CNTNAP4: variants seen among roughly 807,000 people sequenced by gnomAD.
The protein encoded by CNTNAP4 is contactin associated protein family member 4, also known as contactin-associated protein-like 4.
In CNTNAP4, 98 loss-of-function variants were observed where a neutral mutation model predicts 148.4. The observed-to-expected ratio is 0.66, with a 90% CI of 0.56 to 0.78. CNTNAP4 has a LOEUF of 0.78. Among genes scored for constraint, CNTNAP4 ranks in the 30% least tolerant of loss-of-function variants. The pLI is 0.00. For synonymous variants in CNTNAP4, 730 were observed against 565.1 expected (o/e 1.29, Z -4.14); for missense variants, 1,935 against 1,565.6 (o/e 1.24, Z -3.98).
At chr16:76,316,604 T>A in intron 2 of CNTNAP4, 81 bp downstream of exon 2, 2 of 876,766 alleles carry the variant, frequency 2.3e-6, no homozygotes, top group Non-Finnish European at 3.8e-6. Context: ...TCATTATGAA[T>A]GATACATGGT....
intron 17 of CNTNAP4, among the ~76,000 whole-genome samples, chr16:76,524,473 G>A (rs1367741660): frequency 2.0e-5 from 3 of 152,156 alleles, no homozygotes; most frequent in Admixed American, 6.6e-5. Flanking sequence ...AGTGAAATAT[G>A]CTGCAGTTTG....
At position 76,475,970 on chromosome 16, in the gene CNTNAP4, G is replaced by C. The variant is rs1212345679; in HGVS notation, c.1687G>C (p.Glu563Gln). 6.2e-7 allele frequency: 1 copy of C among 1,613,700 alleles called. No individual in the cohort carries two copies. The highest frequency in any genetic ancestry group is 1.3e-5 in the African/African-American group (1 of 74,922). The stretch of plus-strand genomic sequence containing the variant: ...GCCCAACTATTGTGAACACGGTGGG[G>C]AGTGTTCCCAGTCCTGGAGCACCTT... ...CLPNYCEHGG[E>Q]CSQSWSTFHC... Residue 563 changes from glutamate (E) to glutamine (Q), a missense_variant, in exon 11 of 24, where the codon GAG (glutamate) becomes CAG (glutamine). Coordinates refer to ENST00000611870, the MANE Select transcript of CNTNAP4 (RefSeq NM_033401.5).
intron 4 of CNTNAP4, among the ~76,000 whole-genome samples, chr16:76,446,657 C>G (rs577056523): frequency 6.6e-6 from 1 of 152,214 alleles, no homozygotes; most frequent in East Asian, 1.9e-4. Flanking sequence ...ATCATTAAGT[C>G]AGGGTCTTTC....
intron 2 of CNTNAP4, among the ~76,000 whole-genome samples, chr16:76,343,324 A>G (rs1964638081): frequency 6.6e-6 from 1 of 152,138 alleles, no homozygotes. Context: ...ACAATTTAGA[A>G]CTTTCCATTA....
At chr16:76,531,442 A>G (rs2083981062) in intron 17 of CNTNAP4, among the ~76,000 whole-genome samples, 1 of 152,200 alleles carries the variant, frequency 6.6e-6, no homozygotes, top group African/African-American at 2.4e-5. Flanking sequence ...ATAAGTGGAC[A>G]GGTTCAGTTA....
At chr16:76,398,511 A>G (rs1170588792) in intron 3 of CNTNAP4, among the ~76,000 whole-genome samples, 2 of 152,138 alleles carry the variant, frequency 1.3e-5, no homozygotes, top group African/African-American at 2.4e-5. Context: ...CCGCACTGCA[A>G]AGAGCAGCTA....
intron 9 of CNTNAP4, 134 bp from the exon 10 acceptor site, chr16:76,467,218 C>T (rs2081203644): frequency 1.4e-6 from 1 of 716,374 alleles, no homozygotes; most frequent in Non-Finnish European, 2.3e-6. Flanking sequence ...CTAATAATGA[C>T]TGCAGTCATT....
chr16:76,284,592 T>C (rs1958810213), intron 1 of CNTNAP4, among the ~76,000 whole-genome samples: 1 of 151,994 alleles, frequency 6.6e-6, no homozygotes, highest in South Asian at 2.1e-4. Flanking sequence ...TTACCCATAA[T>C]TTTAAGTTAC....
Position 76,489,714 on chromosome 16 carries a change from C to A in CNTNAP4, c.1911C>A (p.Asn637Lys), listed in dbSNP as rs148411005. ...CTGCATGGACCATCATACAGCACAACGGCTCTGACTTAACAAGAGTCAGAA... is the reference window on the plus strand; with the variant it reads ...CTGCATGGACCATCATACAGCACAAAGGCTCTGACTTAACAAGAGTCAGAA... ...TETAWTIIQH[N>K]GSDLTRVRNT... is the part of the protein sequence containing the mutation. The change falls in exon 13 of 24, where the codon AAC becomes AAA. Residue 637 changes from asparagine (N) to lysine (K), a missense_variant. Physicochemically the swap from Asn to Lys is moderately conservative, Grantham distance 94. Coordinates refer to ENST00000611870, the MANE Select transcript of CNTNAP4 (RefSeq NM_033401.5). The A allele has an allele frequency of 2.5e-6, 4 of 1,601,732 alleles. No homozygotes were observed. The highest frequency in any genetic ancestry group is 1.3e-5 in the African/African-American group (1 of 74,748).
chr16:76,352,768 T>G (rs2011988364), intron 2 of CNTNAP4, among the ~76,000 whole-genome samples: 1 of 152,182 alleles, frequency 6.6e-6, no homozygotes, highest in African/African-American at 2.4e-5. Context: ...ATTCAGATTT[T>G]AAAATAATGC....
intron 2 of CNTNAP4, among the ~76,000 whole-genome samples, chr16:76,353,658 C>G (rs2012161085): frequency 6.6e-6 from 1 of 152,048 alleles, no homozygotes; most frequent in South Asian, 2.1e-4. Flanking sequence ...TAGCCCTATC[C>G]TGCTTGTCAT....
At chr16:76,377,664 G>C (rs1019316872) in intron 3 of CNTNAP4, among the ~76,000 whole-genome samples, 3 of 152,138 alleles carry the variant, frequency 2.0e-5, no homozygotes, top group African/African-American at 7.2e-5. Context: ...GTCTGGAGGG[G>C]CAAAGTTTGC....
chr16:76,278,668 G>C (rs1368915704), intron 1 of CNTNAP4, among the ~76,000 whole-genome samples: 1 of 152,072 alleles, frequency 6.6e-6, no homozygotes, highest in African/African-American at 2.4e-5. Flanking sequence ...TTTTTTCTTG[G>C]ATTTTAAAGG....
chr16:76,299,179 A>G (rs913268804), intron 1 of CNTNAP4, among the ~76,000 whole-genome samples: 1 of 152,208 alleles, frequency 6.6e-6, no homozygotes, highest in Non-Finnish European at 1.5e-5. Flanking sequence ...GCTTCTGCAC[A>G]GCAAAAGAAA....
At chr16:76,333,117 C>A (rs555647178) in intron 2 of CNTNAP4, among the ~76,000 whole-genome samples, 17 of 152,304 alleles carry the variant, frequency 1.1e-4, no homozygotes, top group Admixed American at 1.1e-3. Flanking sequence ...AGGGTTACAT[C>A]TGTGCTGAGG....
At chr16:76,460,773 A>AAAATATATATACATATATATATATATAT in intron 8 of CNTNAP4, among the ~76,000 whole-genome samples, 4 of 57,324 alleles carry the variant, frequency 7.0e-5, no homozygotes, top group African/African-American at 1.9e-4. Flanking sequence ...AAAAAAAAAA[A>AAAATATATATACATATATATATATATAT]ATATATATAT....
At chr16:76,432,690 A>G (rs2079652950) in intron 4 of CNTNAP4, 3 of 152,214 alleles carry the variant, frequency 2.0e-5, no homozygotes, top group Admixed American at 2.0e-4. Flanking sequence ...CAATTAAACC[A>G]TAGGAGATAA....
At chr16:76,283,492 G>T (rs938703363) in intron 1 of CNTNAP4, among the ~76,000 whole-genome samples, 6 of 152,102 alleles carry the variant, frequency 3.9e-5, no homozygotes, top group African/African-American at 1.2e-4. Flanking sequence ...AATAGAATGA[G>T]ATCACATACT....
chr16:76,531,146 T>C (rs2144203539), intron 17 of CNTNAP4, among the ~76,000 whole-genome samples: 1 of 152,164 alleles, frequency 6.6e-6, no homozygotes, highest in Non-Finnish European at 1.5e-5. Flanking sequence ...GGCCCCTGGG[T>C]GAGTGGGTGA....
Sources: allele counts gnomAD v4.1 joint callset (sites outside exome capture counted in the v4.1 genomes callset), GRCh38; gene constraint gnomAD v4.1.1; transcripts MANE v1.5; gene names NCBI Gene and HGNC (gene_info 2026-07-23, HGNC 2026-07-21).